Variants in FNDC3B observed in about 807,000 individuals in gnomAD.
FNDC3B encodes fibronectin type III domain containing 3B, also known as fibronectin type III domain-containing protein 3B.
In FNDC3B, 12 loss-of-function variants were observed where a neutral mutation model predicts 151.5. The observed-to-expected ratio is 0.08, with a 90% CI of 0.05 to 0.13. The LOEUF (loss-of-function observed/expected upper bound fraction) is 0.13, where lower values mean the gene tolerates loss of function less well. Among genes scored for constraint, FNDC3B ranks in the 10% least tolerant of loss-of-function variants. FNDC3B has a pLI of 1.00. For missense variants in FNDC3B, 1,214 were observed against 1,505.3 expected, an observed-to-expected ratio of 0.81 and a Z score of 3.20; for synonymous variants, 528 against 549.0, an observed-to-expected ratio of 0.96 and a Z score of 0.54.
intron 3 of FNDC3B, among the ~76,000 whole-genome samples, chr3:172,203,224 C>G (rs746250346): frequency 1.3e-5 from 2 of 152,180 alleles, no homozygotes; most frequent in Non-Finnish European, 2.9e-5. Context: ...GGCACTTACT[C>G]ATATTTTTAA....
intron 16 of FNDC3B, among the ~76,000 whole-genome samples, chr3:172,338,614 T>G (rs1406608123): frequency 6.6e-6 from 1 of 152,262 alleles, no homozygotes; most frequent in Non-Finnish European, 1.5e-5. Flanking sequence ...TTCTAAGGTT[T>G]TCTTTCTAAT....
At chr3:172,390,319 T>G (rs1735942363) in intron 25 of FNDC3B, among the ~76,000 whole-genome samples, 1 of 152,226 alleles carries the variant, frequency 6.6e-6, no homozygotes, top group Non-Finnish European at 1.5e-5. Context: ...TAGACTTTCG[T>G]TAAGAAAGTT....
chr3:172,240,046 T>G (rs570769355), intron 4 of FNDC3B, among the ~76,000 whole-genome samples: 2 of 152,064 alleles, frequency 1.3e-5, no homozygotes, highest in East Asian at 3.9e-4. Flanking sequence ...TATTTTTTTG[T>G]ATTTTTAGTA....
At chr3:172,148,854 T>TA (rs1237335645) in intron 3 of FNDC3B, among the ~76,000 whole-genome samples, 1 of 152,202 alleles carries the variant, frequency 6.6e-6, no homozygotes, top group Non-Finnish European at 1.5e-5. Flanking sequence ...TATCAGCAAT[T>TA]AACATTCCTC....
In FNDC3B at chr3:172,242,353, C is replaced by T. The variant is rs540052722; in HGVS notation, c.265-5180C>T. 3.9e-5 allele frequency among the ~76,000 whole-genome samples: 6 copies of T among 152,200 alleles called. No homozygotes were observed. In the South Asian group the frequency reaches 1.2e-3, roughly 32 times the overall value. On this transcript the variant is annotated intron_variant, in intron 4 of 25. Coordinates refer to ENST00000415807, the MANE Select transcript of FNDC3B (RefSeq NM_022763.4). ...GTATGGTGGCTCTGACCCCACATTT[C>T]CCTTCTGCCCTACCCTAGCAGAGGT...
intron 2 of FNDC3B, 149 bp from the exon 3 acceptor site, chr3:172,133,322 C>T (rs954441267): frequency 1.1e-5 from 7 of 622,192 alleles, no homozygotes; most frequent in African/African-American, 1.1e-4. Flanking sequence ...TACCCCCATG[C>T]CCCCAATTAA....
At chr3:172,361,437 A>G (rs1461662763) in intron 22 of FNDC3B, among the ~76,000 whole-genome samples, 1 of 152,174 alleles carries the variant, frequency 6.6e-6, no homozygotes, top group African/African-American at 2.4e-5. Flanking sequence ...TTTGCCAGAT[A>G]CCCTAAGTTA....
intron 11 of FNDC3B, among the ~76,000 whole-genome samples, chr3:172,317,464 G>A (rs918189435): frequency 3.3e-5 from 5 of 152,066 alleles, no homozygotes; most frequent in African/African-American, 7.3e-5. Flanking sequence ...GATTACAGGC[G>A]TGAGCCACCA....
At chr3:172,168,530 C>T (rs1027382267) in intron 3 of FNDC3B, among the ~76,000 whole-genome samples, 19 of 152,008 alleles carry the variant, frequency 1.2e-4, no homozygotes, top group African/African-American at 2.2e-4. Context: ...ATTCTATGAG[C>T]GGTTGTTAAA....
chr3:172,314,912 T>C (rs1211289524), intron 11 of FNDC3B, among the ~76,000 whole-genome samples: 1 of 152,218 alleles, frequency 6.6e-6, no homozygotes, highest in Non-Finnish European at 1.5e-5. Flanking sequence ...TTCACTGTCA[T>C]TAATTTTGCA....
intron 1 of FNDC3B, among the ~76,000 whole-genome samples, chr3:172,106,860 A>T (rs1295893644): frequency 6.6e-6 from 1 of 152,192 alleles, no homozygotes; most frequent in African/African-American, 2.4e-5. Context: ...ATAAGAAGAA[A>T]AAGGAATAAG....
At chr3:172,177,626 C>CTTTTTTTTTTTTTTTT (rs10684671) in intron 3 of FNDC3B, among the ~76,000 whole-genome samples, 899 of 84,740 alleles carry the variant, frequency 0.011, 73 homozygotes, top group East Asian at 0.016. Context: ...TTACCACCAT[C>CTTTTTTTTTTTTTTTT]TTTTTTTTTT....
intron 2 of FNDC3B, among the ~76,000 whole-genome samples, chr3:172,131,738 G>T (rs1721113296): frequency 6.6e-6 from 1 of 152,192 alleles, no homozygotes; most frequent in Non-Finnish European, 1.5e-5. Context: ...ATTAAAGATT[G>T]AGTATTTAAA....
chr3:172,299,860 A>G (rs564136621), intron 9 of FNDC3B, among the ~76,000 whole-genome samples: 1 of 152,342 alleles, frequency 6.6e-6, no homozygotes, highest in African/African-American at 2.4e-5. Context: ...GTCAATTCAC[A>G]TAGAACGCTC....
At chr3:172,253,706 GT>G (rs1386704199) in intron 6 of FNDC3B, among the ~76,000 whole-genome samples, 1 of 151,888 alleles carries the variant, frequency 6.6e-6, no homozygotes, top group Non-Finnish European at 1.5e-5. Flanking sequence ...ACTTGTGTGT[GT>G]TTTTTGTTTT....
chr3:172,299,508 A>G (rs1305772358), intron 9 of FNDC3B, among the ~76,000 whole-genome samples: 1 of 152,238 alleles, frequency 6.6e-6, no homozygotes, highest in Admixed American at 6.5e-5. Flanking sequence ...GAAGGTCTGA[A>G]TATGACCCAT....
chr3:172,081,273 T>A (rs1718266779), intron 1 of FNDC3B, among the ~76,000 whole-genome samples: 1 of 152,190 alleles, frequency 6.6e-6, no homozygotes, highest in Admixed American at 6.5e-5. Flanking sequence ...CACTGTTTTC[T>A]CCATTAATCA....
chr3:172,306,916 CCT>C (rs1170541333), intron 9 of FNDC3B: 1 of 159,658 alleles, frequency 6.3e-6, no homozygotes, highest in Non-Finnish European at 1.4e-5. Flanking sequence ...TGGTATCTAC[CCT>C]GTTTGTACTT....
At chr3:172,140,506 G>T (rs568855060) in intron 3 of FNDC3B, among the ~76,000 whole-genome samples, 9 of 152,328 alleles carry the variant, frequency 5.9e-5, no homozygotes, top group Middle Eastern at 3.4e-3. Context: ...ACAGCTATTT[G>T]TTACAAGTAG....
Sources: allele counts gnomAD v4.1 joint callset (sites outside exome capture counted in the v4.1 genomes callset), GRCh38; gene constraint gnomAD v4.1.1; transcripts MANE v1.5; gene names NCBI Gene and HGNC (gene_info 2026-07-23, HGNC 2026-07-21).